DPH6: variants seen among roughly 807,000 people sequenced by gnomAD.
DPH6 encodes the protein diphthine--ammonia ligase.
Under a neutral mutation model 38.2 loss-of-function variants are expected in DPH6, and 33 were observed. That is an observed-to-expected ratio of 0.86 (90% CI 0.65 to 1.15). The LOEUF is 1.15. Ranked by LOEUF, DPH6 falls within the 50% of genes most tolerant of loss-of-function variation. DPH6 has a pLI of 0.00. For missense variants in DPH6, 325 were observed against 320.0 expected (o/e 1.02, Z -0.12); for synonymous variants, 108 against 103.0 (o/e 1.05, Z -0.30).
At chr15:35,257,291 G>C (rs1357568797) in intron 3 of DPH6, among the ~76,000 whole-genome samples, 1 of 152,150 alleles carries the variant, frequency 6.6e-6, no homozygotes, top group Non-Finnish European at 1.5e-5. Context: ...AGTGTTCTCA[G>C]GGAGGGTAAA....
At chr15:35,512,199 T>C (rs954809682) in intron 3 of DPH6, among the ~76,000 whole-genome samples, 1 of 152,152 alleles carries the variant, frequency 6.6e-6, no homozygotes, top group Admixed American at 6.5e-5. Flanking sequence ...ATTAAACTAC[T>C]TTTACTAAGC....
intron 3 of DPH6, among the ~76,000 whole-genome samples, chr15:35,234,200 T>A (rs1037201321): frequency 1.3e-4 from 20 of 152,350 alleles, no homozygotes; most frequent in Non-Finnish European, 2.4e-4. Flanking sequence ...TTGCCCCAGA[T>A]TGAGCCTGTA....
the DPH6 span, among the ~76,000 whole-genome samples, chr15:35,212,118 C>T: frequency 6.6e-6 from 1 of 152,114 alleles, no homozygotes; most frequent in Admixed American, 6.5e-5. Context: ...ACATCTTGTG[C>T]CACAAGCCCC....
At chr15:35,335,370 ATTT>A (rs1315850855) in intron 3 of DPH6, among the ~76,000 whole-genome samples, 2 of 151,378 alleles carry the variant, frequency 1.3e-5, no homozygotes, top group Non-Finnish European at 3.0e-5. Flanking sequence ...TAGTTTTTTT[ATTT>A]TTTATTTTAT....
At position 35,410,972 on chromosome 15, in the gene DPH6, C is replaced by T. The variant is rs2140994466; in HGVS notation, c.506-76G>A. On this transcript the variant is annotated intron_variant, in intron 5 of 8. Transcript: ENST00000256538. ...AAAGACACATTCCCCTTCCCTTGGCCCCTCCTCACCTAGAAAAGCAGTGTG... is the reference window on the plus strand; with the variant it reads ...AAAGACACATTCCCCTTCCCTTGGCTCCTCCTCACCTAGAAAAGCAGTGTG... The T allele has an allele frequency of 4.0e-6, 5 of 1,261,572 alleles. No homozygotes were observed. The East Asian group carries it at 7.4e-5, about 19-fold the overall frequency. 78.1% of individuals were successfully genotyped at this position (1,261,572 alleles called of 1,614,324 possible).
At chr15:35,423,631 G>T (rs1391437527) in intron 5 of DPH6, among the ~76,000 whole-genome samples, 1 of 151,584 alleles carries the variant, frequency 6.6e-6, no homozygotes, top group African/African-American at 2.4e-5. Flanking sequence ...CCAATGACAA[G>T]ATTTTTTCCT....
chr15:35,496,587 T>C lies in DPH6; in HGVS notation c.312+41687A>G, dbSNP rs989807550. ...AAAAAAATATATATATATATATATA[T>C]ATATCCTCTACCAATGAATATGAGA... On this transcript the variant is annotated intron_variant, in intron 3 of 8. Transcript: ENST00000256538. Among the ~76,000 whole-genome samples the C allele has an allele frequency of 9.1e-4, 104 of 114,892 alleles. 8 individuals carry two copies. The highest frequency in any genetic ancestry group is 3.8e-3 in the African/African-American group (97 of 25,306). 75.4% of individuals were successfully genotyped at this position (114,892 alleles called of 152,430 possible). A position where few individuals can be genotyped will look rare whatever the true frequency, so the allele number is the denominator to read the frequency against.
intron 6 of DPH6, among the ~76,000 whole-genome samples, chr15:35,403,000 C>T (rs2053241586): frequency 6.6e-6 from 1 of 151,930 alleles, no homozygotes; most frequent in African/African-American, 2.4e-5. Flanking sequence ...TAATTAATGT[C>T]TTTTCAAAGT....
At chr15:35,182,172 A>G in the DPH6 span, among the ~76,000 whole-genome samples, 7 of 148,422 alleles carry the variant, frequency 4.7e-5, no homozygotes, top group Non-Finnish European at 9.0e-5. Context: ...ATGTATAAGT[A>G]TAATAACATA....
At chr15:35,532,579 A>G (rs754605969) in intron 3 of DPH6, among the ~76,000 whole-genome samples, 3 of 152,202 alleles carry the variant, frequency 2.0e-5, no homozygotes, top group Non-Finnish European at 4.4e-5. Flanking sequence ...GCTTTTAATT[A>G]AGGAAATACA....
intron 6 of DPH6, among the ~76,000 whole-genome samples, chr15:35,385,712 A>C (rs2052943494): frequency 6.6e-6 from 1 of 152,104 alleles, no homozygotes; most frequent in African/African-American, 2.4e-5. Context: ...GTGTATACCT[A>C]TGTAACAAAC....
At chr15:35,222,707 G>C (rs546361083) in intron 3 of DPH6, among the ~76,000 whole-genome samples, 1 of 152,276 alleles carries the variant, frequency 6.6e-6, no homozygotes, top group African/African-American at 2.4e-5. Flanking sequence ...ATAGGGAAGA[G>C]GAAGCAATCA....
At chr15:35,532,883 C>A in intron 3 of DPH6, among the ~76,000 whole-genome samples, 1 of 151,960 alleles carries the variant, frequency 6.6e-6, no homozygotes, top group East Asian at 1.9e-4. Context: ...GCAGGCAGAT[C>A]ACCTGAAGTC....
intron 3 of DPH6, among the ~76,000 whole-genome samples, chr15:35,243,646 G>T: frequency 6.9e-6 from 1 of 144,288 alleles, no homozygotes. Context: ...CCCTGCCCCT[G>T]CCCACCAGAG....
rs534371115 is a variant in DPH6 at position 35,542,617 on chromosome 15, T to C, written c.24-110A>G. ...ATCATTTACTTGACTCTTCAGAATATATTACAATGCAAAAAAAACCCATTA... is the reference window on the plus strand; with the variant it reads ...ATCATTTACTTGACTCTTCAGAATACATTACAATGCAAAAAAAACCCATTA... On this transcript the variant is annotated intron_variant, in intron 1 of 8. Transcript: ENST00000256538. 157 of 1,054,218 alleles carry C rather than the reference T, an allele frequency of 1.5e-4. No individual in the cohort carries two copies. The African/African-American group carries it at 2.2e-3, about 15-fold the overall frequency. 65.3% of individuals were successfully genotyped at this position (1,054,218 alleles called of 1,614,324 possible).
chr15:35,204,931 G>A, the DPH6 span, among the ~76,000 whole-genome samples: 1 of 151,828 alleles, frequency 6.6e-6, no homozygotes, highest in Non-Finnish European at 1.5e-5. Context: ...GAATACAGAA[G>A]GAAGAGAGAC....
chr15:35,194,373 GAGAGAGAGAGAGAGAGAGAGAGAT>G, the DPH6 span, among the ~76,000 whole-genome samples: 2 of 150,022 alleles, frequency 1.3e-5, no homozygotes, highest in South Asian at 4.2e-4. Context: ...TTTTTCCAGA[GAGAGAGAGAGAGAGAGAGAGAGAT>G]AGAGAGAGAG....
chr15:35,521,783 A>G lies in DPH6; in HGVS notation c.312+16491T>C, dbSNP rs372217801. 1.5e-5 allele frequency: 19 copies of G among 1,238,028 alleles called. No individual in the cohort carries two copies. The African/African-American group carries it at 2.9e-4, about 19-fold the overall frequency. 76.7% of individuals were successfully genotyped at this position (1,238,028 alleles called of 1,614,324 possible). On this transcript the variant is annotated intron_variant, in intron 3 of 8. Coordinates refer to ENST00000256538, the MANE Select transcript of DPH6 (RefSeq NM_080650.4). The stretch of plus-strand genomic sequence containing the variant: ...TAAAAGGATGCAACATTGTTGATTC[A>G]TATACAAGCATTTTACTTAACTACA...
Position 35,284,801 on chromosome 15 carries a change from ATTTTTTTT to A in DPH6, n.201-64227_201-64220del, listed in dbSNP as rs71123127. 1.3e-3 allele frequency among the ~76,000 whole-genome samples: 105 copies of A among 79,254 alleles called. 1 individual carries two copies. The highest frequency in any genetic ancestry group is 4.0e-3 in the African/African-American group (70 of 17,506). The allele number at this position is 79,254 out of a possible 152,430, so 52.0% of individuals were successfully genotyped here. ...GAAAATTCATGGGTGAAGTCTCCAA[ATTTTTTTT>A]TTTTTTTTTTTTTTTTTTTTTGAGA... On this transcript the variant is annotated intron_variant and non_coding_transcript_variant, in intron 3 of 3. Transcript: ENST00000560386.
Sources: gnomAD v4.1 joint callset for allele counts (sites outside exome capture counted in the v4.1 genomes callset) on GRCh38, gnomAD v4.1.1 for gene constraint, MANE v1.5 for transcripts, NCBI Gene and HGNC (gene_info 2026-07-23, HGNC 2026-07-21) for gene names.